The following PAX7 variants were observed in gnomAD, a reference collection of about 807,000 sequenced individuals.
PAX7 encodes the protein paired box protein Pax-7.
PAX7 carries 18 observed loss-of-function variants against 50.7 expected under a neutral mutation model. That is an observed-to-expected ratio of 0.36 (90% CI 0.25 to 0.53). PAX7 has a LOEUF of 0.53. Among genes scored for constraint, PAX7 ranks in the 20% least tolerant of loss-of-function variants. The pLI is 0.93. For synonymous variants in PAX7, 310 were observed against 290.4 expected (o/e 1.07, Z -0.69); for missense variants, 644 against 702.9 (o/e 0.92, Z 0.95).
chr1:18,736,106 C>T, intron 8 of PAX7: 5 of 706,240 alleles, frequency 7.1e-6, no homozygotes, highest in Non-Finnish European at 1.2e-5. Flanking sequence ...TACTATGGCT[C>T]CAACAGAAAT....
At chr1:18,681,134 T>A (rs930985784) in intron 4 of PAX7, among the ~76,000 whole-genome samples, 5 of 117,338 alleles carry the variant, frequency 4.3e-5, no homozygotes, top group Admixed American at 1.2e-4. Context: ...ACCATTGCAC[T>A]CCAGCCTGGG....
intron 3 of PAX7, among the ~76,000 whole-genome samples, chr1:18,635,553 G>C (rs981420098): frequency 2.0e-5 from 3 of 147,268 alleles, no homozygotes; most frequent in Non-Finnish European, 4.5e-5. Context: ...AAGGAAAGCA[G>C]GCAGGCAGGT....
intron 4 of PAX7, among the ~76,000 whole-genome samples, chr1:18,661,991 G>C (rs910334775): frequency 6.6e-6 from 1 of 152,178 alleles, no homozygotes; most frequent in Admixed American, 6.5e-5. Flanking sequence ...CAGCCACTTG[G>C]AGCTCAGAGA....
rs998534480 is a variant in PAX7, at chr1:18,735,292, A to G, written c.1156-340A>G. On this transcript the variant is annotated intron_variant, in intron 7 of 8. Transcript: ENST00000420770. The surrounding 1 kb of genome is among the most constrained non-coding windows in gnomAD (Gnocchi z 4.0). Reference sequence around the variant, plus strand: ...GCCTCATTAGCCAGTTCGTTCATTCATGCATTCATTCATGCATTTATTCAT... The same window carrying G: ...GCCTCATTAGCCAGTTCGTTCATTCGTGCATTCATTCATGCATTTATTCAT... Among the ~76,000 whole-genome samples the G allele has an allele frequency of 6.6e-6, 1 of 152,200 alleles. No individual in the cohort carries two copies. Among genetic ancestry groups the G allele is most frequent in the Non-Finnish European group, 1.5e-5 (1 of 68,038 alleles).
rs577398431 is a variant in PAX7, at chr1:18,728,188, G to A, written c.1156-7444G>A. On this transcript the variant is annotated intron_variant, in intron 7 of 8. Transcript: ENST00000420770. ...TTTGCGTGAGTGAGCTGACGAAGGC[G>A]GAGTTGTGGGGTGGCAGTGTGTGGG... Among the ~76,000 whole-genome samples the A allele has an allele frequency of 5.3e-5, 8 of 152,298 alleles. No homozygotes were observed. The South Asian group carries it at 1.2e-3, about 24-fold the overall frequency.
At chr1:18,665,351 G>A (rs145390215) in intron 4 of PAX7, among the ~76,000 whole-genome samples, 44 of 152,142 alleles carry the variant, frequency 2.9e-4, no homozygotes, top group African/African-American at 8.7e-4. Flanking sequence ...GAGCGGGCTC[G>A]GGTGGCATTG....
At chr1:18,709,796 G>A (rs1277249630) in intron 7 of PAX7, among the ~76,000 whole-genome samples, 1 of 152,178 alleles carries the variant, frequency 6.6e-6, no homozygotes, top group Admixed American at 6.5e-5. Flanking sequence ...AGCTCACGAT[G>A]CTACTGTGTT....
intron 4 of PAX7, among the ~76,000 whole-genome samples, chr1:18,646,894 C>T (rs1026632592): frequency 8.4e-5 from 11 of 131,666 alleles, no homozygotes; most frequent in Non-Finnish European, 1.7e-4. Context: ...CGGCGCGGCG[C>T]GGGGGGAGCG....
At chr1:18,669,054 C>A (rs1225101253) in intron 4 of PAX7, among the ~76,000 whole-genome samples, 4 of 152,204 alleles carry the variant, frequency 2.6e-5, no homozygotes, top group Non-Finnish European at 5.9e-5. Flanking sequence ...GGAGGATGTG[C>A]TAAGCACCTG....
rs540181435 is a variant in PAX7 at position 18,664,466 on chromosome 1, G to A, written c.587-27288G>A. 2.0e-5 allele frequency among the ~76,000 whole-genome samples: 3 copies of A among 152,312 alleles called. No individual in the cohort carries two copies. In the South Asian group the frequency reaches 6.2e-4, roughly 32 times the overall value. On this transcript the variant is annotated intron_variant, in intron 4 of 8. Transcript: ENST00000420770. The stretch of plus-strand genomic sequence containing the variant: ...ATGCCTGGGGAAGGGGAGGGAGGAG[G>A]GCGAGGCAGCCACACGAAAGTCCAG...
At chr1:18,633,060 C>T (rs770281016) in intron 1 of PAX7, among the ~76,000 whole-genome samples, 44 of 152,296 alleles carry the variant, frequency 2.9e-4, no homozygotes, top group Non-Finnish European at 5.3e-4. Flanking sequence ...GCATATCCCG[C>T]CACGGAGACC....
chr1:18,696,065 CTT>C (rs386366372), intron 5 of PAX7, among the ~76,000 whole-genome samples: 6,880 of 128,708 alleles, frequency 0.053, 249 homozygotes, highest in East Asian at 0.24. Context: ...CATTTCTTTT[CTT>C]TTTTTTTTTT....
chr1:18,635,048 A>G, intron 2 of PAX7, 63 bp from the exon 3 acceptor site: 2 of 1,586,954 alleles, frequency 1.3e-6, no homozygotes, highest in Non-Finnish European at 1.7e-6. Context: ...AGGTGATATT[A>G]AAAGTATTTT....
intron 7 of PAX7, among the ~76,000 whole-genome samples, chr1:18,729,421 A>C (rs1056724594): frequency 2.6e-5 from 4 of 152,192 alleles, no homozygotes. Flanking sequence ...ACATGCAGCA[A>C]ACTCCAAGTT....
At chr1:18,727,389 C>T (rs1401082524) in intron 7 of PAX7, among the ~76,000 whole-genome samples, 34 of 151,688 alleles carry the variant, frequency 2.2e-4, no homozygotes, top group African/African-American at 7.5e-4. Flanking sequence ...CACACACACA[C>T]ACACACACAC....
intron 4 of PAX7, among the ~76,000 whole-genome samples, chr1:18,641,057 T>C (rs1428525683): frequency 6.6e-6 from 1 of 152,186 alleles, no homozygotes; most frequent in Admixed American, 6.5e-5. Flanking sequence ...GAGATAACTA[T>C]TACAAAGGCA....
chr1:18,747,374 G>C lies in PAX7; in HGVS notation c.*2445G>C, dbSNP rs556001831. ...ATAAGTTCTCCCAAGCCATCATCTT[G>C]GTAGAAAATGGGACTTATTCCTTGA... On this transcript the variant is annotated 3_prime_UTR_variant, in exon 9 of 9. Coordinates refer to ENST00000420770, the MANE Select transcript of PAX7 (RefSeq NM_001135254.2). The C allele has an allele frequency of 1.3e-5, 3 of 228,454 alleles. No homozygotes were observed. Among genetic ancestry groups the C allele is most frequent in the East Asian group, 1.2e-4 (2 of 16,014 alleles). 14.2% of individuals were successfully genotyped at this position (228,454 alleles called of 1,614,324 possible).
chr1:18,692,089 A>G (rs2100297184), intron 5 of PAX7, 136 bp downstream of exon 5: 3 of 710,726 alleles, frequency 4.2e-6, no homozygotes, highest in Admixed American at 2.6e-5. Context: ...TAGGCAAGTA[A>G]TGCCACCAGC....
chr1:18,718,215 C>A (rs2089451356), intron 7 of PAX7, among the ~76,000 whole-genome samples: 1 of 152,180 alleles, frequency 6.6e-6, no homozygotes, highest in African/African-American at 2.4e-5. Context: ...TCACTCAGAG[C>A]TGGCCAGGGA....
Sources: allele counts gnomAD v4.1 joint callset (sites outside exome capture counted in the v4.1 genomes callset), GRCh38; gene constraint gnomAD v4.1.1; non-coding constraint Gnocchi (gnomAD v3.1); transcripts MANE v1.5; gene names NCBI Gene and HGNC (gene_info 2026-07-23, HGNC 2026-07-21).